Variants in COL4A3 observed in about 807,000 individuals in gnomAD.
COL4A3 encodes the protein collagen alpha-3(IV) chain.
Under a neutral mutation model 217.4 loss-of-function variants are expected in COL4A3, and 135 were observed. The ratio of observed to expected loss-of-function variants is 0.62; its 90% confidence interval spans 0.54 to 0.72. The LOEUF is 0.72. Among genes scored for constraint, COL4A3 ranks in the 30% least tolerant of loss-of-function variants. COL4A3 has a pLI of 0.00. For missense variants in COL4A3, 1,868 were observed against 2,119.9 expected, an observed-to-expected ratio of 0.88 and a Z score of 2.33; for synonymous variants, 690 against 736.3, an observed-to-expected ratio of 0.94 and a Z score of 1.02.
Position 227,303,072 on chromosome 2 carries a change from G to A in COL4A3, c.3917G>A (p.Arg1306Lys), listed in dbSNP as rs57311286. The part of the protein sequence containing the change: ...APGTPGLPGP[R>K]GDPGFQGFPG... ...GGTACTCCAGGTCTTCCAGGACCCA[G>A]AGGTGATCCTGGATTCCAGGGGTTT... Residue 1306 changes from arginine to lysine, a missense_variant, in exon 44 of 52, where the codon AGA becomes AAA. Transcript: ENST00000396578. 1.2e-6 allele frequency: 2 copies of A among 1,614,074 alleles called. No homozygotes were observed. Among genetic ancestry groups the A allele is most frequent in the East Asian group, 4.5e-5 (2 of 44,872 alleles).
At chr2:227,260,103 A>T in intron 19 of COL4A3, 1 of 703,432 alleles carries the variant, frequency 1.4e-6, no homozygotes, top group Non-Finnish European at 2.6e-6. Context: ...AGCAAAACAT[A>T]AAGTTCAAAT....
Position 227,259,857 on chromosome 2 carries a change from G to C in COL4A3, c.1094G>C (p.Arg365Thr). The change falls in exon 19 of 52, where the codon AGA (arginine) becomes ACA (threonine). Residue 365 changes from arginine to threonine, a missense_variant. Transcript: ENST00000396578. ...DEGTPGPPGP[R>T]GARGPQGPSG... Reference sequence around the variant, plus strand: ...GGCACTCCAGGCCCACCAGGGCCCAGAGGAGCTCGTGGCCCACAAGGTAAG... The same window carrying C: ...GGCACTCCAGGCCCACCAGGGCCCACAGGAGCTCGTGGCCCACAAGGTAAG... 1 of 1,613,582 alleles carries C rather than the reference G, an allele frequency of 6.2e-7. No individual in the cohort carries two copies. The highest frequency in any genetic ancestry group is 8.5e-7 in the Non-Finnish European group (1 of 1,179,446).
intron 1 of COL4A3, among the ~76,000 whole-genome samples, chr2:227,186,512 G>T (rs1577051928): frequency 6.6e-6 from 1 of 152,152 alleles, no homozygotes; most frequent in East Asian, 1.9e-4. Flanking sequence ...GTTTGAATTT[G>T]GTTGACCTGA....
At chr2:227,184,114 T>C (rs1475064155) in intron 1 of COL4A3, among the ~76,000 whole-genome samples, 2 of 152,288 alleles carry the variant, frequency 1.3e-5, no homozygotes, top group East Asian at 3.9e-4. Context: ...CAGACAATAG[T>C]CTGGCCAGCA....
At chr2:227,198,015 T>C (rs1025251885) in intron 1 of COL4A3, among the ~76,000 whole-genome samples, 1 of 152,210 alleles carries the variant, frequency 6.6e-6, no homozygotes, top group African/African-American at 2.4e-5. Context: ...AAATCGTGTT[T>C]ATGCAGAGGT....
At chr2:227,260,589 C>T (rs1009221860) in intron 19 of COL4A3, among the ~76,000 whole-genome samples, 1 of 152,126 alleles carries the variant, frequency 6.6e-6, no homozygotes, top group African/African-American at 2.4e-5. Context: ...TAAAATTTCC[C>T]AGTGTATTTA....
At chr2:227,288,612 AGAT>A (rs2072484278) in intron 34 of COL4A3, among the ~76,000 whole-genome samples, 1 of 152,238 alleles carries the variant, frequency 6.6e-6, no homozygotes. Context: ...AGAATCATCT[AGAT>A]GAGAATACTG....
At chr2:227,202,763 A>ATATATTATATATATATATATG (rs1553738334) in intron 1 of COL4A3, among the ~76,000 whole-genome samples, 2,517 of 109,068 alleles carry the variant, frequency 0.023, 350 homozygotes, top group Non-Finnish European at 0.035. Flanking sequence ...ATATATATAT[A>ATATATTATATATATATATATG]TATATATATC....
Position 227,259,808 on chromosome 2 carries a change from A to G in COL4A3, c.1045A>G (p.Thr349Ala). Residue 349 changes from threonine to alanine, a missense_variant, in exon 19 of 52, where the codon ACA (threonine) becomes GCA (alanine). Coordinates refer to ENST00000396578, the MANE Select transcript of COL4A3 (RefSeq NM_000091.5). Reference protein sequence around the residue: ...GFRGPTEYYDTYQEKGDEGTP... With the variant: ...GFRGPTEYYDAYQEKGDEGTP... ...CTCCTCTAAGACAGAATATTATGACACATACCAGGAAAAGGGAGATGAAGG... is the reference window on the plus strand; with the variant it reads ...CTCCTCTAAGACAGAATATTATGACGCATACCAGGAAAAGGGAGATGAAGG... 2 of 1,612,526 alleles carry G rather than the reference A, an allele frequency of 1.2e-6. No homozygotes were observed. The highest frequency in any genetic ancestry group is 1.7e-4 in the Middle Eastern group (1 of 6,060).
intron 43 of COL4A3, among the ~76,000 whole-genome samples, chr2:227,301,412 T>C (rs2073282418): frequency 6.6e-6 from 1 of 152,234 alleles, no homozygotes; most frequent in Non-Finnish European, 1.5e-5. Context: ...TGCTTTGCCA[T>C]AGCTCATTGT....
intron 3 of COL4A3, among the ~76,000 whole-genome samples, 174 bp downstream of exon 3, chr2:227,240,406 A>T (rs549417438): frequency 1.3e-5 from 2 of 152,158 alleles, no homozygotes; most frequent in Non-Finnish European, 2.9e-5. Flanking sequence ...CTGCTCCAAG[A>T]CTATTGCAAA....
At chr2:227,179,134 T>C (rs2065788890) in intron 1 of COL4A3, among the ~76,000 whole-genome samples, 1 of 151,552 alleles carries the variant, frequency 6.6e-6, no homozygotes, top group Non-Finnish European at 1.5e-5. Flanking sequence ...GTATTTTTTG[T>C]AGACTGGGGT....
chr2:227,307,650 T>C, intron 47 of COL4A3, 60 bp from the exon 48 acceptor site: 3 of 1,394,664 alleles, frequency 2.2e-6, no homozygotes, highest in East Asian at 2.3e-5. Flanking sequence ...ATTAGTACTT[T>C]GAAAAAACGA....
intron 1 of COL4A3, among the ~76,000 whole-genome samples, chr2:227,192,365 G>A (rs1218633396): frequency 6.6e-6 from 1 of 152,082 alleles, no homozygotes; most frequent in Non-Finnish European, 1.5e-5. Flanking sequence ...GTTAGATGTG[G>A]TTTAGCACAC....
intron 17 of COL4A3, chr2:227,256,606 T>G (rs1170235772): frequency 2.7e-6 from 2 of 735,816 alleles, no homozygotes; most frequent in Non-Finnish European, 5.0e-6. Flanking sequence ...AAACTTGTAC[T>G]GTGTACTTGA....
rs1434335950 is a variant in COL4A3, at chr2:227,312,724, A to G, written c.*854A>G. The G allele has an allele frequency of 1.3e-5, 2 of 152,664 alleles. No homozygotes were observed. Among genetic ancestry groups the G allele is most frequent in the Non-Finnish European group, 2.9e-5 (2 of 68,032 alleles). The allele number at this position is 152,664 out of a possible 1,614,324, so 9.5% of individuals were successfully genotyped here. On this transcript the variant is annotated 3_prime_UTR_variant, in exon 52 of 52. Coordinates refer to ENST00000396578, the MANE Select transcript of COL4A3 (RefSeq NM_000091.5). Reference sequence around the variant, plus strand: ...TACCCACACAAATAACAAGAATACTACTTATGAAATGTGCACTTTATCCTC... The same window carrying G: ...TACCCACACAAATAACAAGAATACTGCTTATGAAATGTGCACTTTATCCTC...
Position 227,289,176 on chromosome 2 carries a change from G to A in COL4A3, c.2908G>A (p.Gly970Arg). Reference protein sequence around the residue: ...KGFAGNPGEKGNRGVPGMPGL... With the variant: ...KGFAGNPGEKRNRGVPGMPGL... The stretch of plus-strand genomic sequence containing the variant: ...ATTCGCAGGAAATCCAGGTGAGAAA[G>A]GAAACAGAGGCGTTCCAGGGATGCC... The change falls in exon 35 of 52, where the codon GGA (glycine) becomes AGA (arginine). Residue 970 changes from glycine (G) to arginine (R), a missense_variant. By Grantham distance (125) the Gly-to-Arg change is moderately radical (BLOSUM62 -2). Transcript: ENST00000396578. 6.2e-7 allele frequency: 1 copy of A among 1,613,698 alleles called. No homozygotes were observed. Among genetic ancestry groups the A allele is most frequent in the Non-Finnish European group, 8.5e-7 (1 of 1,179,870 alleles).
chr2:227,274,270 TAAA>T lies in COL4A3; in HGVS notation c.1927+1154_1927+1156del, dbSNP rs1181471528. On this transcript the variant is annotated intron_variant, in intron 26 of 51. Transcript: ENST00000396578. ...ATAAATAAATAAATAAATAAATAAA[TAAA>T]TTTTAAAAATCACTTTAAAGGGTAA... Among the ~76,000 whole-genome samples the T allele has an allele frequency of 6.1e-4, 93 of 151,632 alleles. 1 individual carries two copies. Among genetic ancestry groups the T allele is most frequent in the African/African-American group, 2.2e-3 (91 of 41,434 alleles).
chr2:227,266,539 A>G (rs1437649314), intron 22 of COL4A3, 30 bp downstream of exon 22: 1 of 1,537,706 alleles, frequency 6.5e-7, no homozygotes, highest in South Asian at 1.1e-5. Flanking sequence ...TTGTATTAGG[A>G]TAAGCCTTTT....
Sources: allele counts gnomAD v4.1 joint callset (sites outside exome capture counted in the v4.1 genomes callset), GRCh38; gene constraint gnomAD v4.1.1; transcripts MANE v1.5; gene names NCBI Gene and HGNC (gene_info 2026-07-23, HGNC 2026-07-21).